MACF1: variants seen among roughly 807,000 people sequenced by gnomAD.
The protein encoded by MACF1 is microtubule-actin cross-linking factor 1.
In MACF1, 193 loss-of-function variants were observed where a neutral mutation model predicts 854.8. The observed-to-expected ratio is 0.23, with a 90% CI of 0.20 to 0.25. The LOEUF is 0.25. MACF1 is among the 10% of genes least tolerant of loss of function. MACF1 has a pLI of 1.00. For missense variants in MACF1, 7,722 were observed against 8,929.1 expected (o/e 0.86, Z 5.45); for synonymous variants, 3,185 against 3,226.7 (o/e 0.99, Z 0.44).
chr1:39,253,941 G>GAGT (rs766747253), intron 4 of MACF1, among the ~76,000 whole-genome samples: 13 of 152,160 alleles, frequency 8.5e-5, no homozygotes, highest in Non-Finnish European at 1.3e-4. Context: ...GTGATTTTAG[G>GAGT]AGTCATAGAG....
At chr1:39,459,793 A>AT (rs1464407036) in intron 91 of MACF1, 16 of 1,298,780 alleles carry the variant, frequency 1.2e-5, no homozygotes, top group African/African-American at 1.5e-5. Flanking sequence ...TATCTTTTGT[A>AT]TTTTTTTATT....
At chr1:39,308,909 G>C (rs2148431599) in intron 23 of MACF1, among the ~76,000 whole-genome samples, 1 of 152,262 alleles carries the variant, frequency 6.6e-6, no homozygotes, top group Middle Eastern at 3.4e-3. Flanking sequence ...GCCCGCCTCA[G>C]CCTCCCAAAG....
intron 2 of MACF1, among the ~76,000 whole-genome samples, chr1:39,093,590 A>G (rs56047998): frequency 0.018 from 2,468 of 138,698 alleles, 70 homozygotes; most frequent in African/African-American, 0.062. Flanking sequence ...GGTTCAAGTG[A>G]TTCTCCTGCT....
intron 6 of MACF1, among the ~76,000 whole-genome samples, chr1:39,279,687 C>T (rs759394116): frequency 7.2e-5 from 11 of 152,174 alleles, no homozygotes; most frequent in Non-Finnish European, 1.2e-4. Flanking sequence ...CTATCTACAT[C>T]ATCTTATTTA....
At chr1:39,157,212 C>T (rs145750682) in intron 2 of MACF1, among the ~76,000 whole-genome samples, 140 of 152,256 alleles carry the variant, frequency 9.2e-4, no homozygotes, top group African/African-American at 3.1e-3. Flanking sequence ...TCAAGCAGTC[C>T]GCCCACCTTA....
At chr1:39,210,051 C>G (rs1277209774) in intron 1 of MACF1, among the ~76,000 whole-genome samples, 1 of 151,638 alleles carries the variant, frequency 6.6e-6, no homozygotes, top group Non-Finnish European at 1.5e-5. Context: ...GATTGCACCC[C>G]TGCATTCCAG....
chr1:39,485,704 C>T lies in MACF1; in HGVS notation c.22578C>T (p.Ser7526=), dbSNP rs776333371. ...GCGCTGCAGGGGGCCAAGGCAACTC[C>T]AGGAGAGGGCTAAACAAACCTTCCA... ...ESSAAGGQGN[S]RRGLNKPSKI... is the part of the protein sequence containing the mutation. The change falls in exon 101 of 101, where the codon TCC becomes TCT. Residue 7526 remains serine, a synonymous_variant. Coordinates refer to ENST00000564288, the MANE Select transcript of MACF1 (RefSeq NM_001394062.1). 5.0e-6 allele frequency: 8 copies of T among 1,613,902 alleles called. No individual in the cohort carries two copies. Among genetic ancestry groups the T allele is most frequent in the Middle Eastern group, 3.3e-4 (2 of 6,084 alleles).
At chr1:39,257,412 C>G (rs1390461607) in intron 5 of MACF1, 5 of 153,166 alleles carry the variant, frequency 3.3e-5, no homozygotes, top group African/African-American at 1.2e-4. Context: ...ACGCCATTCT[C>G]CTGCCTCAGC....
At chr1:39,369,859 A>G (rs1649077312) in intron 50 of MACF1, among the ~76,000 whole-genome samples, 171 bp from the exon 51 acceptor site, 1 of 152,172 alleles carries the variant, frequency 6.6e-6, no homozygotes, top group Non-Finnish European at 1.5e-5. Context: ...TGAGTTTGGT[A>G]CGCTTCAATG....
Position 39,204,796 on chromosome 1 carries a change from TTGTC to T in MACF1, c.-224_-221del, listed in dbSNP as rs1182110926. 8.6e-6 allele frequency: 4 copies of T among 465,902 alleles called. No individual in the cohort carries two copies. Among genetic ancestry groups the T allele is most frequent in the Admixed American group, 3.6e-5 (1 of 27,762 alleles). 28.9% of individuals were successfully genotyped at this position (465,902 alleles called of 1,614,324 possible). A position where few individuals can be genotyped will look rare whatever the true frequency, so the allele number is the denominator to read the frequency against. ...CCGCTGGCCAGTTGTTTCCTGGGCT[TTGTC>T]TGAGATACACTGTACAGTTTTAGTC... On this transcript the variant is annotated 5_prime_UTR_variant, in exon 1 of 101. Transcript: ENST00000564288.
chr1:39,271,609 A>G (rs1237252522), intron 6 of MACF1, among the ~76,000 whole-genome samples: 1 of 152,218 alleles, frequency 6.6e-6, no homozygotes, highest in African/African-American at 2.4e-5. Context: ...TTTATCTTGT[A>G]AAAGTTGGAA....
intron 36 of MACF1, among the ~76,000 whole-genome samples, 158 bp downstream of exon 36, chr1:39,327,511 TG>T (rs926450223): frequency 4.6e-5 from 7 of 152,230 alleles, no homozygotes; most frequent in Non-Finnish European, 1.0e-4. Flanking sequence ...GTTTCTTTAC[TG>T]GGGTTCCATG....
In MACF1 at chr1:39,439,425, C is replaced by G. The variant is rs145339018; in HGVS notation, c.18372C>G (p.Thr6124=). The change falls in exon 72 of 101, where the codon ACC becomes ACG. Residue 6124 remains threonine (T), a synonymous_variant. Transcript: ENST00000564288. ...CTCTCCTGACCACCATCAAAGACAC[C>G]CAGGATATTGTCCATGACTTGGAAA... ...MAALLTTIKD[T]QDIVHDLESP... 133 of 1,614,146 alleles carry G rather than the reference C, an allele frequency of 8.2e-5. No homozygotes were observed. In the African/African-American group the frequency reaches 1.6e-3, roughly 20 times the overall value.
chr1:39,382,235 C>T lies in MACF1; in HGVS notation c.13848+83C>T. 2.3e-6 allele frequency: 3 copies of T among 1,288,046 alleles called. No individual in the cohort carries two copies. In the South Asian group the frequency reaches 3.9e-5, roughly 17 times the overall value. 79.8% of individuals were successfully genotyped at this position (1,288,046 alleles called of 1,614,324 possible). The stretch of plus-strand genomic sequence containing the variant: ...TCCCAGTAAGTAGATTTCATGTGAT[C>T]CTGGACAAGTCATTTAATCTCTCAG... On this transcript the variant is annotated intron_variant, in intron 56 of 100. Coordinates refer to ENST00000564288, the MANE Select transcript of MACF1 (RefSeq NM_001394062.1).
In MACF1 at chr1:39,430,716, G is replaced by T. The variant is rs1436373603; in HGVS notation, c.17145G>T (p.Glu5715Asp). 1 of 1,611,938 alleles carries T rather than the reference G, an allele frequency of 6.2e-7. No homozygotes were observed. The highest frequency in any genetic ancestry group is 8.5e-7 in the Non-Finnish European group (1 of 1,179,932). ...TCCCTCCTTAGGAATTAAAGAAGGAGGTCATGGAGCACAGGCTGGTGTTGG... is the reference window on the plus strand; with the variant it reads ...TCCCTCCTTAGGAATTAAAGAAGGATGTCATGGAGCACAGGCTGGTGTTGG... ...FQQRQKELKK[E>D]VMEHRLVLDT... Residue 5715 changes from glutamate (E) to aspartate (D), a missense_variant, in exon 66 of 101, where the codon GAG (glutamate) becomes GAT (aspartate). Physicochemically the swap from Glu to Asp is conservative, Grantham distance 45 (BLOSUM62 2). Around this residue, in one of 15 missense-constraint regions of MACF1, gnomAD observed 2,807 missense variants for 3,235.8 expected, o/e 0.87. Coordinates refer to ENST00000564288, the MANE Select transcript of MACF1 (RefSeq NM_001394062.1).
At chr1:39,296,691 C>T (rs1313876239) in intron 20 of MACF1, among the ~76,000 whole-genome samples, 1 of 147,670 alleles carries the variant, frequency 6.8e-6, no homozygotes, top group South Asian at 2.1e-4. Context: ...GATCACACCA[C>T]TGCACTCCAG....
In MACF1 at chr1:39,143,011, C is replaced by T. The variant is rs145428376; in HGVS notation, c.220+58573C>T. Among the ~76,000 whole-genome samples, 6 of 152,218 alleles carry T rather than the reference C, an allele frequency of 3.9e-5. No homozygotes were observed. The East Asian group carries it at 9.7e-4, about 25-fold the overall frequency. On this transcript the variant is annotated intron_variant, in intron 2 of 93. Transcript: ENST00000361689. Reference sequence around the variant, plus strand: ...TTGTGAGCAAAGGAAGGCGGTGACCCGAGTGAAGGTGAACCAGAGCTGCAT... The same window carrying T: ...TTGTGAGCAAAGGAAGGCGGTGACCTGAGTGAAGGTGAACCAGAGCTGCAT...
At chr1:39,320,126 C>T (rs370422015) in intron 31 of MACF1, among the ~76,000 whole-genome samples, 1 of 152,158 alleles carries the variant, frequency 6.6e-6, no homozygotes. Context: ...CTAAACTGTT[C>T]TCTTTGCCTT....
chr1:39,157,730 AG>A (rs1643721222), intron 2 of MACF1, among the ~76,000 whole-genome samples: 1 of 152,084 alleles, frequency 6.6e-6, no homozygotes, highest in Non-Finnish European at 1.5e-5. Context: ...TTTTTGAGAC[AG>A]GGCCTCACTT....
Sources: gnomAD v4.1 joint callset for allele counts (sites outside exome capture counted in the v4.1 genomes callset) on GRCh38, gnomAD v4.1.1 for gene constraint, gnomAD v4.1.1 regional missense constraint, MANE v1.5 for transcripts, NCBI Gene and HGNC (gene_info 2026-07-23, HGNC 2026-07-21) for gene names.